Variants in STAB2 observed in about 807,000 individuals in gnomAD.
STAB2 encodes the protein stabilin-2.
A neutral mutation model predicts 338.1 loss-of-function variants in STAB2; 288 were observed. The observed-to-expected ratio is 0.85, with a 90% CI of 0.77 to 0.94. The LOEUF (loss-of-function observed/expected upper bound fraction) is 0.94. Among genes scored for constraint, STAB2 ranks in the 40% least tolerant of loss-of-function variants. STAB2 has a pLI of 0.00. For synonymous variants in STAB2, 1,202 were observed against 1,193.3 expected (o/e 1.01, Z -0.15); for missense variants, 3,141 against 3,210.1 (o/e 0.98, Z 0.52).
chr12:103,723,382 T>C (rs1880922861), intron 44 of STAB2, among the ~76,000 whole-genome samples: 1 of 152,068 alleles, frequency 6.6e-6, no homozygotes, highest in African/African-American at 2.4e-5. Flanking sequence ...TTTAAAACCA[T>C]CAGATCTCCT....
At chr12:103,690,398 A>T in intron 29 of STAB2, 26 bp from the exon 30 acceptor site, 1 of 1,566,520 alleles carries the variant, frequency 6.4e-7, no homozygotes, top group South Asian at 1.1e-5. Context: ...ATATTGAATT[A>T]TAGCCTTTGT....
At chr12:103,635,005 G>T (rs1013503776) in intron 6 of STAB2, among the ~76,000 whole-genome samples, 2 of 152,184 alleles carry the variant, frequency 1.3e-5, no homozygotes, top group Non-Finnish European at 2.9e-5. Context: ...CAAAACTTCG[G>T]GTTTATGGAA....
Position 103,706,967 on chromosome 12 carries a change from AC to A in STAB2, c.4173del (p.Tyr1391Ter), listed in dbSNP as rs775405475. On this transcript the variant is annotated frameshift_variant, in exon 38 of 69. Coordinates refer to ENST00000388887, the MANE Select transcript of STAB2 (RefSeq NM_017564.10). LOFTEE classifies it high-confidence loss of function. Reference protein sequence around the residue: ...TACETCTEGKYGIHCDQACSC... With the variant: ...TACETCTEGKXGIHCDQACSC... ...TGCGAGACCTGCACCGAGGGCAAGT[AC>A]GGCATCCACTGTGACCAAGGTGAGC... is the stretch of plus-strand genomic sequence containing the variant. 5.0e-6 allele frequency: 8 copies of A among 1,614,070 alleles called. No homozygotes were observed. Among genetic ancestry groups the A allele is most frequent in the African/African-American group, 1.3e-5 (1 of 74,938 alleles).
chr12:103,611,981 A>T (rs908932522), intron 3 of STAB2, among the ~76,000 whole-genome samples: 6 of 152,206 alleles, frequency 3.9e-5, no homozygotes, highest in Admixed American at 3.3e-4. Context: ...TCTGGGTTGA[A>T]AATTCTTTTC....
At chr12:103,667,675 T>A (rs1386715941) in intron 19 of STAB2, among the ~76,000 whole-genome samples, 2 of 152,200 alleles carry the variant, frequency 1.3e-5, no homozygotes, top group Non-Finnish European at 2.9e-5. Flanking sequence ...TAGTGCTCCT[T>A]CCTCAGTGAC....
At chr12:103,743,713 G>A (rs1037147045) in intron 56 of STAB2, among the ~76,000 whole-genome samples, 3 of 152,218 alleles carry the variant, frequency 2.0e-5, no homozygotes, top group Admixed American at 2.0e-4. Context: ...CGCGTAGATA[G>A]TGGACAGTGC....
At chr12:103,733,246 C>A in intron 51 of STAB2, 64 bp downstream of exon 51, 1 of 1,569,726 alleles carries the variant, frequency 6.4e-7, no homozygotes, top group East Asian at 2.2e-5. Context: ...AATTCAGCAC[C>A]AAGGCATTGT....
Position 103,730,231 on chromosome 12 carries a change from C to T in STAB2, c.5198C>T (p.Pro1733Leu), listed in dbSNP as rs1342097616. 6.2e-7 allele frequency: 1 copy of T among 1,613,568 alleles called. No homozygotes were observed. The highest frequency in any genetic ancestry group is 2.2e-5 in the East Asian group (1 of 44,772). ...TCTCCCAAAAATTTGCTTATCACTC[C>T]CAAAGACAACTCTGGAAGAATTCTG... Reference protein sequence around the residue: ...LLSPKNLLITPKDNSGRILQN... With the variant: ...LLSPKNLLITLKDNSGRILQN... The change falls in exon 49 of 69, where the codon CCC (proline) becomes CTC (leucine). Residue 1733 changes from proline (P) to leucine (L), a missense_variant. Pro to Leu is a moderately conservative substitution (Grantham distance 98, BLOSUM62 -3). Transcript: ENST00000388887.
At position 103,669,539 on chromosome 12, in the gene STAB2, A is replaced by G; in HGVS notation, c.2173-2A>G. The G allele has an allele frequency of 6.2e-7, 1 of 1,614,034 alleles. No homozygotes were observed. Among genetic ancestry groups the G allele is most frequent in the South Asian group, 1.1e-5 (1 of 91,068 alleles). Reference sequence around the variant, plus strand: ...AAGGGGAACACGCATTTTGTTTTTCAGATTCCAAAGTGCTGCAAAGGCTTC... The same window carrying G: ...AAGGGGAACACGCATTTTGTTTTTCGGATTCCAAAGTGCTGCAAAGGCTTC... On this transcript the variant is annotated splice_acceptor_variant, in intron 20 of 68. Coordinates refer to ENST00000388887, the MANE Select transcript of STAB2 (RefSeq NM_017564.10). LOFTEE classifies it high-confidence loss of function.
intron 20 of STAB2, chr12:103,668,960 T>G: frequency 2.3e-6 from 1 of 425,788 alleles, no homozygotes; most frequent in Non-Finnish European, 4.2e-6. Context: ...CTCTTAACAC[T>G]TCCCCACATG....
At chr12:103,699,007 T>C (rs2138946651) in intron 33 of STAB2, 89 bp from the exon 34 acceptor site, 2 of 1,473,072 alleles carry the variant, frequency 1.4e-6, no homozygotes, top group Non-Finnish European at 1.8e-6. Context: ...TGTTCCTCTT[T>C]GTAATCTCCA....
At chr12:103,648,154 A>G (rs1241371939) in intron 9 of STAB2, among the ~76,000 whole-genome samples, 1 of 152,216 alleles carries the variant, frequency 6.6e-6, no homozygotes. Flanking sequence ...GAGAGTATAT[A>G]TAATGGAGAC....
chr12:103,637,940 A>G, intron 7 of STAB2, 76 bp from the exon 8 acceptor site: 2 of 1,456,858 alleles, frequency 1.4e-6, no homozygotes, highest in Non-Finnish European at 1.9e-6. Flanking sequence ...GTTTTGATCC[A>G]CTGTTGCTCA....
intron 22 of STAB2, among the ~76,000 whole-genome samples, chr12:103,672,282 A>G (rs1875874582): frequency 6.6e-6 from 1 of 152,186 alleles, no homozygotes. Context: ...CTTTTTGCCA[A>G]ATTAGATTTT....
chr12:103,645,297 T>C (rs571409993), intron 9 of STAB2, among the ~76,000 whole-genome samples: 6 of 152,220 alleles, frequency 3.9e-5, no homozygotes, highest in Non-Finnish European at 8.8e-5. Context: ...ACTGGTCTCA[T>C]AACGTCTCAG....
intron 53 of STAB2, among the ~76,000 whole-genome samples, chr12:103,738,245 T>C (rs1316004979): frequency 6.6e-6 from 1 of 152,212 alleles, no homozygotes; most frequent in Non-Finnish European, 1.5e-5. Context: ...CACACCTCTA[T>C]TCACTTACCC....
At position 103,688,204 on chromosome 12, in the gene STAB2, C is replaced by T. The variant is rs758124266; in HGVS notation, c.3034C>T (p.Arg1012Ter). ...TCTCTCCGAAGCAGCTATATTTAACCGATGGATAAATGTGAGTACCTTTAT... is the reference window on the plus strand; with the variant it reads ...TCTCTCCGAAGCAGCTATATTTAACTGATGGATAAATGTGAGTACCTTTAT... ...SFLSEAAIFN[R>*]WINNASLQPT... Residue 1012 changes from arginine to a stop codon, truncating the protein, a stop_gained, in exon 28 of 69, where the codon CGA (arginine) becomes TGA (stop). Transcript: ENST00000388887. LOFTEE classifies it high-confidence loss of function. The T allele has an allele frequency of 1.1e-5, 18 of 1,613,522 alleles. No individual in the cohort carries two copies. The highest frequency in any genetic ancestry group is 7.7e-5 in the South Asian group (7 of 91,062).
chr12:103,611,635 T>C (rs1269258230), intron 3 of STAB2, among the ~76,000 whole-genome samples: 2 of 152,240 alleles, frequency 1.3e-5, no homozygotes, highest in Non-Finnish European at 2.9e-5. Context: ...GTCTTGACTC[T>C]TTATGCAATT....
chr12:103,695,900 G>A, intron 33 of STAB2, 56 bp downstream of exon 33: 2 of 1,531,452 alleles, frequency 1.3e-6, no homozygotes, highest in African/African-American at 1.4e-5. Flanking sequence ...CAAACACTCA[G>A]TGTTTGTAAT....
Sources: allele counts gnomAD v4.1 joint callset (sites outside exome capture counted in the v4.1 genomes callset), GRCh38; gene constraint gnomAD v4.1.1; transcripts MANE v1.5; gene names NCBI Gene and HGNC (gene_info 2026-07-23, HGNC 2026-07-21).